Variants in RIT2 observed in about 807,000 individuals in gnomAD.
The protein encoded by RIT2 is Ras like without CAAX 2.
A neutral mutation model predicts 23.7 loss-of-function variants in RIT2; 24 were observed. The observed-to-expected ratio is 1.01, with a 90% CI of 0.73 to 1.43. The LOEUF (loss-of-function observed/expected upper bound fraction) is 1.43, where lower values mean the gene tolerates loss of function less well. Ranked by LOEUF, RIT2 falls within the 40% of genes most tolerant of loss-of-function variation. The pLI is 0.00. For synonymous variants in RIT2, 107 were observed against 91.1 expected (o/e 1.17, Z -0.99); for missense variants, 236 against 266.9 (o/e 0.88, Z 0.81).
intron 1 of RIT2, among the ~76,000 whole-genome samples, chr18:43,037,447 C>T (rs1173359860): frequency 6.6e-6 from 1 of 152,072 alleles, no homozygotes; most frequent in African/African-American, 2.4e-5. Flanking sequence ...TTTGAATTTA[C>T]AATCGTAAAT....
intron 4 of RIT2, among the ~76,000 whole-genome samples, chr18:42,763,659 A>G (rs573576271): frequency 6.6e-6 from 1 of 152,226 alleles, no homozygotes; most frequent in East Asian, 1.9e-4. Flanking sequence ...TTCTTTCTTT[A>G]ATATTAAATT....
chr18:42,800,354 C>T (rs1436417658), intron 4 of RIT2, among the ~76,000 whole-genome samples: 1 of 152,102 alleles, frequency 6.6e-6, no homozygotes, highest in African/African-American at 2.4e-5. Flanking sequence ...CAACCTTTAG[C>T]TGCCCTCCTC....
At chr18:43,008,079 C>T (rs1218469056) in intron 2 of RIT2, among the ~76,000 whole-genome samples, 1 of 151,510 alleles carries the variant, frequency 6.6e-6, no homozygotes, top group Admixed American at 6.6e-5. Context: ...CCACAAAATA[C>T]CAAATCTGAA....
intron 4 of RIT2, among the ~76,000 whole-genome samples, chr18:42,909,582 C>A (rs1176354881): frequency 1.3e-5 from 2 of 151,866 alleles, no homozygotes; most frequent in African/African-American, 2.4e-5. Context: ...TCTCAGGTGA[C>A]AGTTCCAATA....
At chr18:42,830,046 C>T (rs1292218775) in intron 4 of RIT2, among the ~76,000 whole-genome samples, 1 of 152,002 alleles carries the variant, frequency 6.6e-6, no homozygotes, top group Non-Finnish European at 1.5e-5. Context: ...AAAAAATTAC[C>T]AGAAGCAAAC....
intron 3 of RIT2, among the ~76,000 whole-genome samples, chr18:42,967,104 G>T (rs558563656): frequency 1.3e-5 from 2 of 151,812 alleles, no homozygotes; most frequent in East Asian, 3.9e-4. Context: ...AATTAGGGAA[G>T]AAAAAACTTT....
chr18:43,004,626 A>G (rs1224592604), intron 2 of RIT2, among the ~76,000 whole-genome samples: 1 of 151,618 alleles, frequency 6.6e-6, no homozygotes, highest in African/African-American at 2.4e-5. Context: ...TCCTATACTA[A>G]TCTTTTCTCT....
intron 1 of RIT2, among the ~76,000 whole-genome samples, chr18:43,070,033 C>A (rs907105023): frequency 6.6e-6 from 1 of 152,008 alleles, no homozygotes; most frequent in Non-Finnish European, 1.5e-5. Flanking sequence ...CAGAAAAGAG[C>A]CTCACACTGA....
intron 4 of RIT2, among the ~76,000 whole-genome samples, chr18:42,866,925 C>T (rs1907487198): frequency 6.6e-6 from 1 of 152,044 alleles, no homozygotes; most frequent in South Asian, 2.1e-4. Flanking sequence ...GCACCTAGTT[C>T]TCTGTCACCA....
chr18:42,888,180 G>C (rs1343473372), intron 4 of RIT2, among the ~76,000 whole-genome samples: 1 of 151,486 alleles, frequency 6.6e-6, no homozygotes, highest in East Asian at 1.9e-4. Context: ...AATTAATGTA[G>C]GTTTATAGTT....
At chr18:42,930,957 G>C (rs1033558083) in intron 3 of RIT2, among the ~76,000 whole-genome samples, 1 of 152,076 alleles carries the variant, frequency 6.6e-6, no homozygotes, top group Non-Finnish European at 1.5e-5. Flanking sequence ...TTATAAAAAT[G>C]GTTTTTGACA....
intron 4 of RIT2, among the ~76,000 whole-genome samples, chr18:42,891,150 A>G (rs1315539026): frequency 1.3e-5 from 2 of 152,168 alleles, no homozygotes; most frequent in Non-Finnish European, 2.9e-5. Flanking sequence ...GCTGAACAAC[A>G]GAGTAGAGAT....
intron 2 of RIT2, among the ~76,000 whole-genome samples, chr18:42,975,062 G>GT (rs1910447979): frequency 6.6e-6 from 1 of 151,992 alleles, no homozygotes; most frequent in African/African-American, 2.4e-5. Context: ...TGGCTGAACT[G>GT]ATTTTCACTC....
chr18:43,088,292 G>T (rs57591774), intron 1 of RIT2, among the ~76,000 whole-genome samples: 3,396 of 152,254 alleles, frequency 0.022, 135 homozygotes, highest in African/African-American at 0.076. Context: ...AAAAGAGAAT[G>T]TAAGAAACAA....
chr18:42,796,950 A>G (rs1399204096), intron 4 of RIT2, among the ~76,000 whole-genome samples: 2 of 152,222 alleles, frequency 1.3e-5, no homozygotes, highest in Non-Finnish European at 2.9e-5. Flanking sequence ...AAATAAAAAG[A>G]AGTTAAAAAT....
chr18:43,055,992 A>G (rs1912493480), intron 1 of RIT2, among the ~76,000 whole-genome samples: 1 of 152,102 alleles, frequency 6.6e-6, no homozygotes, highest in Non-Finnish European at 1.5e-5. Context: ...CTAAGCCCTC[A>G]GTTTTTCTCT....
intron 3 of RIT2, among the ~76,000 whole-genome samples, chr18:42,935,929 C>A (rs1252039111): frequency 1.3e-5 from 2 of 151,794 alleles, no homozygotes; most frequent in Non-Finnish European, 2.9e-5. Flanking sequence ...GTGGATTTGG[C>A]GCCCTATGCA....
intron 4 of RIT2, among the ~76,000 whole-genome samples, chr18:42,760,305 C>T (rs1386466021): frequency 6.6e-6 from 1 of 152,166 alleles, no homozygotes; most frequent in Non-Finnish European, 1.5e-5. Flanking sequence ...GATGACCTGC[C>T]TCAATGGCTG....
chr18:42,914,931 T>C (rs1329466910), intron 4 of RIT2, among the ~76,000 whole-genome samples: 1 of 152,044 alleles, frequency 6.6e-6, no homozygotes, highest in Non-Finnish European at 1.5e-5. Flanking sequence ...CTTGTGCGTC[T>C]GTAATTATTT....
Sources: allele counts gnomAD v4.1 joint callset (sites outside exome capture counted in the v4.1 genomes callset), GRCh38; gene constraint gnomAD v4.1.1; transcripts MANE v1.5; gene names NCBI Gene and HGNC (gene_info 2026-07-23, HGNC 2026-07-21).